Variants in MUC4 observed in about 807,000 individuals in gnomAD.
The protein encoded by MUC4 is mucin-4.
MUC4 carries 202 observed loss-of-function variants against 257.9 expected under a neutral mutation model. The ratio of observed to expected loss-of-function variants is 0.78; its 90% CI spans 0.70 to 0.88. MUC4 has a LOEUF of 0.88. MUC4 is among the 40% of genes least tolerant of loss of function. The probability of loss-of-function intolerance (pLI) is 0.00; values close to 1 mark genes in which losing one functional copy is unlikely to be tolerated. For missense variants in MUC4, 5,976 were observed against 6,513.7 expected (o/e 0.92, Z 2.84); for synonymous variants, 2,351 against 2,757.1 (o/e 0.85, Z 4.62).
At chr3:195,765,218 T>A in intron 9 of MUC4, 52 bp downstream of exon 9, 1 of 1,573,774 alleles carries the variant, frequency 6.4e-7, no homozygotes, top group African/African-American at 1.4e-5. Flanking sequence ...GCTGAGGGCG[T>A]GAGCAGAGAG....
intron 1 of MUC4, among the ~76,000 whole-genome samples, chr3:195,807,360 C>T (rs1028141647): frequency 2.0e-5 from 3 of 152,012 alleles, no homozygotes; most frequent in African/African-American, 4.8e-5. Context: ...CCCAGCTACT[C>T]GGGAGGCTGA....
chr3:195,776,366 A>G (rs1445763490), intron 3 of MUC4, among the ~76,000 whole-genome samples: 1 of 112,596 alleles, frequency 8.9e-6, no homozygotes, highest in Non-Finnish European at 1.8e-5. Context: ...CATACCTTCC[A>G]CAGCCATACC....
Position 195,747,088 on chromosome 3 carries a change from CT to C in MUC4, c.*87del. 1 of 1,539,020 alleles carries C rather than the reference CT, an allele frequency of 6.5e-7. No individual in the cohort carries two copies. The highest frequency in any genetic ancestry group is 8.9e-7 in the Non-Finnish European group (1 of 1,118,816). On this transcript the variant is annotated 3_prime_UTR_variant, in exon 25 of 25. Transcript: ENST00000463781. ...TCCTGACAGCCTTCAGTCACCTTCCCTTTTCCAGTCTCCCAAAAGCAATGGC... is the reference window on the plus strand; with the variant it reads ...TCCTGACAGCCTTCAGTCACCTTCCCTTTCCAGTCTCCCAAAAGCAATGGC...
Position 195,783,346 on chromosome 3 carries a change from A to C in MUC4, c.8234T>G (p.Val2745Gly). 63 of 553,370 alleles carry C rather than the reference A, an allele frequency of 1.1e-4. 4 individuals carry two copies. The highest frequency in any genetic ancestry group is 7.9e-4 in the East Asian group (11 of 13,882). The allele number at this position is 553,370 out of a possible 1,614,324, so 34.3% of individuals were successfully genotyped here. Residue 2745 changes from valine (V) to glycine (G), a missense_variant, in exon 2 of 25, where the codon GTA (valine) becomes GGA (glycine). This residue lies in a region of MUC4 where 75 missense variants were observed against 58.7 expected (regional missense o/e 1.28). Coordinates refer to ENST00000463781, the MANE Select transcript of MUC4 (RefSeq NM_018406.7). ...AAGAGGGGTGGTGTCACCTGTGGAT[A>C]CTGAGGAAGTCTCGGTGACAAGAAG... is the stretch of plus-strand genomic sequence containing the variant. ...TPLLVTETSS[V>G]STGDTTPLPV... is the part of the protein sequence containing the mutation.
In MUC4 at chr3:195,789,000, G is replaced by T. The variant is rs1264148248; in HGVS notation, c.2580C>A (p.Ser860Arg). 6.2e-7 allele frequency: 1 copy of T among 1,613,856 alleles called. No homozygotes were observed. Among genetic ancestry groups the T allele is most frequent in the African/African-American group, 1.3e-5 (1 of 74,992 alleles). ...ASASHGAIPV[S>R]TGMASSIVPG... ...GGACGATCGAAGACGCCATTCCTGT[G>T]CTTACTGGGATGGCACCATGACTGG... Residue 860 changes from serine (S) to arginine (R), a missense_variant, in exon 2 of 25, where the codon AGC (serine) becomes AGA (arginine). Transcript: ENST00000463781.
Position 195,747,256 on chromosome 3 carries a change from TCCCGACCCCCA to T in MUC4, c.16148_16158del (p.Leu5383HisfsTer23). On this transcript the variant is annotated frameshift_variant, in exon 25 of 25. Transcript: ENST00000463781. LOFTEE classifies it low-confidence loss of function (END_TRUNC). Reference sequence around the variant, plus strand: ...CCCCAGAAGCGCAGGACCACGAACGTCCCGACCCCCAGCAGCAAGAGGCCGCCCAGGGCCCC... The same window carrying T: ...CCCCAGAAGCGCAGGACCACGAACGTGCAGCAAGAGGCCGCCCAGGGCCCC... The T allele has an allele frequency of 6.2e-7, 1 of 1,614,218 alleles. No individual in the cohort carries two copies. The highest frequency in any genetic ancestry group is 1.1e-5 in the South Asian group (1 of 91,086).
At chr3:195,762,406 C>A in intron 13 of MUC4, 152 bp from the exon 14 acceptor site, 1 of 857,864 alleles carries the variant, frequency 1.2e-6, no homozygotes, top group Non-Finnish European at 1.8e-6. Context: ...GGCCGGCGAG[C>A]TGCACGCCCC....
chr3:195,782,131 G>C lies in MUC4; in HGVS notation c.9449C>G (p.Thr3150Ser), dbSNP rs543610245. Residue 3150 changes from threonine to serine, a missense_variant, in exon 2 of 25, where the codon ACC (threonine) becomes AGC (serine). Transcript: ENST00000463781. ...TSTSSASTGD[T>S]TPLPVTDTSS... ...AGTGTCGGTGACAGGAAGAGGGGTG[G>C]TGTCACCTGTGGATGCTGAGGAAGT... 1.1e-4 allele frequency: 145 copies of C among 1,365,998 alleles called. No individual in the cohort carries two copies. The African/African-American group carries it at 1.9e-3, about 18-fold the overall frequency. The allele number at this position is 1,365,998 out of a possible 1,614,324, so 84.6% of individuals were successfully genotyped here.
At chr3:195,811,627 CT>C in intron 1 of MUC4, 108 bp downstream of exon 1, 2 of 936,304 alleles carry the variant, frequency 2.1e-6, no homozygotes. Flanking sequence ...TCCCTTTCCC[CT>C]ATTCTCTCTC....
intron 1 of MUC4, among the ~76,000 whole-genome samples, chr3:195,793,945 T>A (rs555654135): frequency 6.6e-6 from 1 of 151,970 alleles, no homozygotes; most frequent in East Asian, 1.9e-4. Context: ...TAAAAAAAAA[T>A]TATTTCCCAG....
Position 195,766,898 on chromosome 3 carries a change from G to A in MUC4, c.13530-147C>T, listed in dbSNP as rs79469429. The A allele has an allele frequency of 2.9e-3, 1,957 of 686,578 alleles. 5 individuals carry two copies. Among genetic ancestry groups the A allele is most frequent in the Non-Finnish European group, 4.2e-3 (1,617 of 385,884 alleles). The allele number at this position is 686,578 out of a possible 1,614,324, so 42.5% of individuals were successfully genotyped here. The stretch of plus-strand genomic sequence containing the variant: ...GTCAGTGGGTCAGCCAGCCCCCATC[G>A]TCAAGCCCCAGCACTGAGCAGGAGA... On this transcript the variant is annotated intron_variant, in intron 7 of 24. Transcript: ENST00000463781.
At chr3:195,766,042 C>A (rs1720396742) in intron 8 of MUC4, among the ~76,000 whole-genome samples, 1 of 152,110 alleles carries the variant, frequency 6.6e-6, no homozygotes, top group Non-Finnish European at 1.5e-5. Flanking sequence ...CTCGCTGCAA[C>A]CTCCACCTCC....
Position 195,790,928 on chromosome 3 carries a change from T to C in MUC4, c.652A>G (p.Thr218Ala). ...ESQTSTLTHR[T>A]TSTPSFSPSV... ...GGAGAGAAAGAAGGAGTTGAAGTGG[T>C]TCTGTGTGTTAGGGTGCTGGTTTGA... is the stretch of plus-strand genomic sequence containing the variant. The change falls in exon 2 of 25, where the codon ACC becomes GCC. Residue 218 changes from threonine (T) to alanine (A), a missense_variant. Around this residue, in one of 44 missense-constraint regions of MUC4, gnomAD observed 1,583 missense variants for 1,257.4 expected, o/e 1.26. Transcript: ENST00000463781. 6.2e-7 allele frequency: 1 copy of C among 1,613,896 alleles called. No homozygotes were observed. Among genetic ancestry groups the C allele is most frequent in the Admixed American group, 1.7e-5 (1 of 60,002 alleles).
intron 7 of MUC4, among the ~76,000 whole-genome samples, chr3:195,767,429 T>C (rs1478099674): frequency 1.5e-4 from 15 of 99,644 alleles, no homozygotes; most frequent in South Asian, 1.5e-3. Context: ...AACACTACCA[T>C]CACCATCACC....
In MUC4 at chr3:195,778,944, G is replaced by GGCTA. The variant is rs1725772722; in HGVS notation, c.12635_12636insTAGC (p.Asp4213SerfsTer102). The stretch of plus-strand genomic sequence containing the variant: ...GACCTGTGGATGCTGAGGAAGTGTC[G>GGCTA]GTGACAGGAAGAGGGGTGGCGTGAC... On this transcript the variant is annotated frameshift_variant, in exon 2 of 25. Transcript: ENST00000463781. LOFTEE classifies it high-confidence loss of function. The GGCTA allele has an allele frequency of 7.2e-7, 1 of 1,384,288 alleles. No individual in the cohort carries two copies. The highest frequency in any genetic ancestry group is 1.4e-5 in the African/African-American group (1 of 70,122). 85.8% of individuals were successfully genotyped at this position (1,384,288 alleles called of 1,614,324 possible).
At position 195,790,130 on chromosome 3, in the gene MUC4, C is replaced by T; in HGVS notation, c.1450G>A (p.Glu484Lys). 6.2e-7 allele frequency: 1 copy of T among 1,614,002 alleles called. No individual in the cohort carries two copies. The highest frequency in any genetic ancestry group is 8.5e-7 in the Non-Finnish European group (1 of 1,179,898). ...GVSQEIFTLH[E>K]TTTWPSSFSS... Reference sequence around the variant, plus strand: ...AATGAGGAAGGCCATGTTGTTGTTTCATGTAGAGTAAATATTTCTTGAGAC... The same window carrying T: ...AATGAGGAAGGCCATGTTGTTGTTTTATGTAGAGTAAATATTTCTTGAGAC... The change falls in exon 2 of 25, where the codon GAA becomes AAA. Residue 484 changes from glutamate to lysine, a missense_variant. Transcript: ENST00000463781.
Position 195,794,396 on chromosome 3 carries a change from A to T in MUC4, c.83-2899T>A, listed in dbSNP as rs1478557721. On this transcript the variant is annotated intron_variant, in intron 1 of 24. Transcript: ENST00000463781. ...TATAGAGAGAGAGAGAGAGAGAAGA[A>T]AGAGAGAGAGAGAGAAAGAAAGAGA... Among the ~76,000 whole-genome samples, 781 of 148,322 alleles carry T rather than the reference A, an allele frequency of 5.3e-3. 6 individuals carry two copies. The highest frequency in any genetic ancestry group is 0.02 in the African/African-American group (758 of 38,740).
intron 1 of MUC4, among the ~76,000 whole-genome samples, chr3:195,798,668 C>A (rs1257792879): frequency 6.6e-6 from 1 of 151,978 alleles, no homozygotes; most frequent in Non-Finnish European, 1.5e-5. Flanking sequence ...TGCACCACTG[C>A]ACTCCTGCCT....
Position 195,781,780 on chromosome 3 carries a change from ACAGGAAGAGAGG to A in MUC4, c.9788_9799del (p.Thr3263_Val3267delinsIle). 8.7e-7 allele frequency: 1 copy of A among 1,144,982 alleles called. No individual in the cohort carries two copies. Among genetic ancestry groups the A allele is most frequent in the African/African-American group, 1.9e-5 (1 of 51,540 alleles). 70.9% of individuals were successfully genotyped at this position (1,144,982 alleles called of 1,614,324 possible). A position where few individuals can be genotyped will look rare whatever the true frequency, so the allele number is the denominator to read the frequency against. ...TGTGTATGCTGAGGAAGTGTCGGTG[ACAGGAAGAGAGG>A]TGGTGTCACCTGTGGATGCTGAGGA... On this transcript the variant is annotated inframe_deletion, in exon 2 of 25. Transcript: ENST00000463781.
Sources: gnomAD v4.1 joint callset for allele counts (sites outside exome capture counted in the v4.1 genomes callset) on GRCh38, gnomAD v4.1.1 for gene constraint, gnomAD v4.1.1 regional missense constraint, MANE v1.5 for transcripts, NCBI Gene and HGNC (gene_info 2026-07-23, HGNC 2026-07-21) for gene names.